Variants in OVCH2 observed in about 807,000 individuals in gnomAD.
OVCH2 encodes ovochymase 2.
Under a neutral mutation model 73.7 loss-of-function variants are expected in OVCH2, and 88 were observed. The ratio of observed to expected loss-of-function variants is 1.19; its 90% CI spans 1.01 to 1.43. The LOEUF (loss-of-function observed/expected upper bound fraction) is 1.43. Ranked by LOEUF, OVCH2 falls within the 40% of genes most tolerant of loss-of-function variation. The pLI is 0.00. For missense variants in OVCH2, 706 were observed against 674.5 expected, an observed-to-expected ratio of 1.05 and a Z score of -0.52; for synonymous variants, 265 against 234.5, an observed-to-expected ratio of 1.13 and a Z score of -1.19.
intron 12 of OVCH2, among the ~76,000 whole-genome samples, chr11:7,693,863 C>CT (rs1746705478): frequency 1.3e-5 from 2 of 152,170 alleles, no homozygotes; most frequent in South Asian, 2.1e-4. Flanking sequence ...ATTATTCTCC[C>CT]TTTTTTATGG....
chr11:7,688,478 A>G (rs1050527913), downstream of OVCH2, among the ~76,000 whole-genome samples: 1 of 152,076 alleles, frequency 6.6e-6, no homozygotes, highest in Admixed American at 6.6e-5. Flanking sequence ...ACTTTACAAA[A>G]ATTTTTCCAC....
rs189164600 is a variant in OVCH2, at chr11:7,695,642, C to G, written c.1210G>C (p.Val404Leu). 3 of 1,608,856 alleles carry G rather than the reference C, an allele frequency of 1.9e-6. No homozygotes were observed. The Admixed American group carries it at 5.0e-5, about 27-fold the overall frequency. ...GCTGCATTATCTGTGGCATCAGAGA[C>G]GAATTTCAGCCTTAGAGAATTAGAG... ...IGSNSLRLKF[V>L]SDATDNAAGF... Residue 404 changes from valine (V) to leucine (L), a missense_variant, in exon 11 of 16, where the codon GTC (valine) becomes CTC (leucine). Transcript: ENST00000533663.
chr11:7,686,705 G>A (rs551228602), downstream of OVCH2, among the ~76,000 whole-genome samples: 10 of 152,262 alleles, frequency 6.6e-5, no homozygotes, highest in Admixed American at 2.0e-4. Flanking sequence ...CCCTTACTTC[G>A]TATCAGAGAG....
chr11:7,689,241 T>C (rs1386715739), downstream of OVCH2, among the ~76,000 whole-genome samples: 2 of 152,214 alleles, frequency 1.3e-5, no homozygotes, highest in Admixed American at 1.3e-4. Context: ...GGCTGAGGCT[T>C]CCCCAAAAGA....
At chr11:7,703,810 A>G (rs1179452002) in intron 2 of OVCH2, 21 bp from the exon 3 acceptor site, 1 of 1,578,680 alleles carries the variant, frequency 6.3e-7, no homozygotes, top group South Asian at 1.2e-5. Flanking sequence ...AATACCTTAA[A>G]TGAAAGCAAG....
Position 7,689,902 on chromosome 11 carries a change from A to C in OVCH2, c.*31+22T>G, listed in dbSNP as rs71474932. 188,345 of 1,340,712 alleles carry C rather than the reference A, an allele frequency of 0.14. 14,173 individuals carry two copies. The highest frequency in any genetic ancestry group is 0.25 in the African/African-American group (17,318 of 68,458). 83.1% of individuals were successfully genotyped at this position (1,340,712 alleles called of 1,614,324 possible). ...CCTGGATTATACTCTGTGTGTATCA[A>C]TTGGTCCCCAAAACAGCTTACCAGA... On this transcript the variant is annotated intron_variant, in intron 15 of 15. Coordinates refer to ENST00000533663, the MANE Select transcript of OVCH2 (RefSeq NM_198185.7).
rs1169862116 is a variant in OVCH2 at position 7,696,487 on chromosome 11, A to G, written c.1119T>C (p.Tyr373=). 1 of 1,614,028 alleles carries G rather than the reference A, an allele frequency of 6.2e-7. No individual in the cohort carries two copies. Residue 373 remains tyrosine (Y), a synonymous_variant, in exon 10 of 16, where the codon TAT becomes TAC. Transcript: ENST00000533663. ...CACCAATGGGTCTGTCTTCTAAAGA[A>G]TACATTGACAGGTAACTGTGGTGAC... is the stretch of plus-strand genomic sequence containing the variant. ...ESCHHSYLSM[Y]SLEDRPIGKF...
In OVCH2 at chr11:7,706,421, A is replaced by C. The variant is rs1226434943; in HGVS notation, c.-27T>G. 2 of 1,548,678 alleles carry C rather than the reference A, an allele frequency of 1.3e-6. No individual in the cohort carries two copies. Among genetic ancestry groups the C allele is most frequent in the East Asian group, 4.8e-5 (2 of 41,864 alleles). ...TTGAGACTCATAGTTTTTCCCTGAA[A>C]TTTTAGAGAGACTAAAGCAAACAAA... On this transcript the variant is annotated 5_prime_UTR_variant, in exon 1 of 16. Transcript: ENST00000533663.
intron 12 of OVCH2, among the ~76,000 whole-genome samples, chr11:7,694,437 C>T (rs751407685): frequency 6.6e-6 from 1 of 152,126 alleles, no homozygotes; most frequent in Non-Finnish European, 1.5e-5. Flanking sequence ...GCCTGTTCTG[C>T]GCTGGTTCCT....
Position 7,701,377 on chromosome 11 carries a change from C to A in OVCH2, c.658G>T (p.Gly220Trp). 6.2e-7 allele frequency: 1 copy of A among 1,613,302 alleles called. No homozygotes were observed. The highest frequency in any genetic ancestry group is 8.5e-7 in the Non-Finnish European group (1 of 1,179,662). The change falls in exon 6 of 16, where the codon GGG (glycine) becomes TGG (tryptophan). Residue 220 changes from glycine to tryptophan, a missense_variant. Physicochemically the swap from Gly to Trp is radical, Grantham distance 184. Transcript: ENST00000533663. ...AAACCTGTGCAAAGAAAGGTCTTCC[C>A]ACTGATGGGCCTCTTTAGTGTTAAC... ...ALLTLKRPISGKTFLCTGFPD... is the reference protein window; with the variant it reads ...ALLTLKRPISWKTFLCTGFPD...
At chr11:7,683,994 G>A in the OVCH2 span, among the ~76,000 whole-genome samples, 2 of 146,458 alleles carry the variant, frequency 1.4e-5, no homozygotes, top group Non-Finnish European at 3.0e-5. Flanking sequence ...TTGCCATCTG[G>A]CATTTTATAT....
intron 11 of OVCH2, among the ~76,000 whole-genome samples, 163 bp downstream of exon 11, chr11:7,695,407 G>A (rs539268249): frequency 6.6e-5 from 10 of 152,330 alleles, no homozygotes; most frequent in Non-Finnish European, 1.3e-4. Context: ...ACTCAGGGTT[G>A]AGGGGGAGAC....
intron 9 of OVCH2, 23 bp from the exon 10 acceptor site, chr11:7,696,612 G>A: frequency 6.2e-7 from 1 of 1,614,008 alleles, no homozygotes; most frequent in Non-Finnish European, 8.5e-7. Flanking sequence ...CATGGAGAGG[G>A]CGTTATTTCT....
the OVCH2 span, among the ~76,000 whole-genome samples, chr11:7,682,106 T>C: frequency 8.5e-5 from 13 of 152,210 alleles, no homozygotes; most frequent in Non-Finnish European, 1.8e-4. Context: ...ACCTTCATTT[T>C]CATAGAGCTA....
chr11:7,683,738 G>A, the OVCH2 span, among the ~76,000 whole-genome samples: 7 of 152,062 alleles, frequency 4.6e-5, no homozygotes, highest in African/African-American at 1.7e-4. Context: ...TGACCTCCTG[G>A]CTGGCTTTCG....
At chr11:7,701,647 T>G in intron 5 of OVCH2, 69 bp downstream of exon 5, 1 of 1,504,508 alleles carries the variant, frequency 6.6e-7, no homozygotes, top group Non-Finnish European at 9.1e-7. Context: ...GGATTAAAAA[T>G]TCCATTTTCT....
downstream of OVCH2, among the ~76,000 whole-genome samples, chr11:7,684,506 ATGTGTGTGTGTGTGTGTGTGTG>A (rs55770590): frequency 7.1e-6 from 1 of 141,342 alleles, no homozygotes; most frequent in African/African-American, 2.7e-5. Context: ...ATACATACAT[ATGTGTGTGTGTGTGTGTGTGTG>A]TGTGTGTGTG....
At chr11:7,699,021 A>C (rs986345066) in intron 7 of OVCH2, 5 of 441,648 alleles carry the variant, frequency 1.1e-5, no homozygotes, top group Non-Finnish European at 2.0e-5. Context: ...GGTTTCACAG[A>C]GGAAGGGGTC....
At chr11:7,697,822 G>A (rs987765600) in intron 8 of OVCH2, among the ~76,000 whole-genome samples, 8 of 151,658 alleles carry the variant, frequency 5.3e-5, no homozygotes, top group African/African-American at 9.7e-5. Flanking sequence ...TTGTCCCCTC[G>A]CAACCCATCC....
Sources: gnomAD v4.1 joint callset for allele counts (sites outside exome capture counted in the v4.1 genomes callset) on GRCh38, gnomAD v4.1.1 for gene constraint, MANE v1.5 for transcripts, NCBI Gene and HGNC (gene_info 2026-07-23, HGNC 2026-07-21) for gene names.